FRMD6: variants seen among roughly 807,000 people sequenced by gnomAD.
FRMD6 encodes FERM domain-containing protein 6.
A neutral mutation model predicts 73.2 loss-of-function variants in FRMD6; 37 were observed. The observed-to-expected ratio is 0.51, with a 90% CI of 0.39 to 0.66. The LOEUF (loss-of-function observed/expected upper bound fraction) is 0.66, where lower values mean the gene tolerates loss of function less well. Ranked by LOEUF, FRMD6 falls within the 30% of genes least tolerant of loss-of-function variation. The pLI is 0.00. For missense variants in FRMD6, 714 were observed against 780.5 expected, an observed-to-expected ratio of 0.91 and a Z score of 1.02; for synonymous variants, 273 against 282.2, an observed-to-expected ratio of 0.97 and a Z score of 0.33.
intron 2 of FRMD6, among the ~76,000 whole-genome samples, chr14:51,628,658 C>A (rs1248736621): frequency 6.6e-6 from 1 of 151,546 alleles, no homozygotes. Context: ...ACTAAAAGTA[C>A]AAAAATTAGC....
At chr14:51,701,301 G>T in intron 4 of FRMD6, 142 bp downstream of exon 4, 1 of 341,724 alleles carries the variant, frequency 2.9e-6, no homozygotes. Flanking sequence ...GTTATATATA[G>T]TATATGTATA....
the FRMD6 span, among the ~76,000 whole-genome samples, chr14:51,440,526 C>T: frequency 1.3e-5 from 2 of 152,144 alleles, no homozygotes; most frequent in East Asian, 1.9e-4. Flanking sequence ...TAACTGCACA[C>T]GTTTAGCACA....
intron 1 of FRMD6, among the ~76,000 whole-genome samples, chr14:51,674,679 A>C (rs1894258566): frequency 6.6e-6 from 1 of 152,096 alleles, no homozygotes; most frequent in Non-Finnish European, 1.5e-5. Context: ...CTATTTGTGT[A>C]GGGTAAGGTG....
chr14:51,590,191 A>G (rs903461124), intron 2 of FRMD6, among the ~76,000 whole-genome samples: 2 of 152,128 alleles, frequency 1.3e-5, no homozygotes, highest in Non-Finnish European at 2.9e-5. Context: ...AATTGAAAAC[A>G]TTTTTTACCT....
At chr14:51,621,440 A>G (rs1470127018) in intron 2 of FRMD6, among the ~76,000 whole-genome samples, 1 of 152,198 alleles carries the variant, frequency 6.6e-6, no homozygotes, top group Non-Finnish European at 1.5e-5. Context: ...CCTTAGCTCC[A>G]CCATCACATT....
the FRMD6 span, among the ~76,000 whole-genome samples, chr14:51,426,531 C>G: frequency 1.3e-5 from 2 of 152,296 alleles, no homozygotes; most frequent in Admixed American, 1.3e-4. Flanking sequence ...ACAGAGAAGA[C>G]TATATGTATT....
At chr14:51,537,394 T>C (rs1411217852) in intron 1 of FRMD6, among the ~76,000 whole-genome samples, 1 of 151,714 alleles carries the variant, frequency 6.6e-6, no homozygotes, top group Non-Finnish European at 1.5e-5. Flanking sequence ...TTTTTATTTA[T>C]CCATTCACGT....
At chr14:51,559,726 T>A (rs148709201) in intron 1 of FRMD6, among the ~76,000 whole-genome samples, 1,739 of 152,264 alleles carry the variant, frequency 0.011, 16 homozygotes, top group South Asian at 0.029. Context: ...CATCCATCTT[T>A]CCCTAATCAA....
At chr14:51,576,497 C>T (rs190870060) in intron 2 of FRMD6, among the ~76,000 whole-genome samples, 1 of 152,192 alleles carries the variant, frequency 6.6e-6, no homozygotes, top group Non-Finnish European at 1.5e-5. Flanking sequence ...TCTTTTGAAG[C>T]AGAATGCTTT....
At chr14:51,632,596 C>T (rs138017902) in intron 2 of FRMD6, among the ~76,000 whole-genome samples, 1 of 152,318 alleles carries the variant, frequency 6.6e-6, no homozygotes, top group East Asian at 1.9e-4. Flanking sequence ...TCCTGGCTAT[C>T]TGCAGTTCTC....
chr14:51,666,699 C>T (rs538423706), intron 1 of FRMD6, among the ~76,000 whole-genome samples: 1 of 151,974 alleles, frequency 6.6e-6, no homozygotes, highest in South Asian at 2.1e-4. Flanking sequence ...AAGTTTTTTC[C>T]CTGAGAACTT....
At chr14:51,620,945 T>C (rs371194621) in intron 2 of FRMD6, among the ~76,000 whole-genome samples, 1 of 152,158 alleles carries the variant, frequency 6.6e-6, no homozygotes, top group Non-Finnish European at 1.5e-5. Context: ...AAGTAGGAAG[T>C]AGTAAATTCA....
chr14:51,426,967 T>C, the FRMD6 span, among the ~76,000 whole-genome samples: 1 of 152,218 alleles, frequency 6.6e-6, no homozygotes, highest in Non-Finnish European at 1.5e-5. Context: ...AGATCTGGAT[T>C]GGAATTAGCC....
chr14:51,716,018 G>A (rs946714569), intron 10 of FRMD6, among the ~76,000 whole-genome samples: 2 of 152,214 alleles, frequency 1.3e-5, no homozygotes, highest in African/African-American at 2.4e-5. Context: ...TCTAGCAAGA[G>A]TGCCAAACAA....
At chr14:51,657,198 A>C (rs1424816382) in intron 1 of FRMD6, among the ~76,000 whole-genome samples, 1 of 152,164 alleles carries the variant, frequency 6.6e-6, no homozygotes, top group Admixed American at 6.5e-5. Context: ...ACTTGTGTGT[A>C]CAGTTTCAGT....
intron 2 of FRMD6, among the ~76,000 whole-genome samples, chr14:51,635,255 G>T (rs1891506685): frequency 6.6e-6 from 1 of 152,184 alleles, no homozygotes; most frequent in South Asian, 2.1e-4. Flanking sequence ...AGCAAGCTGG[G>T]CATATTAGCG....
the FRMD6 span, among the ~76,000 whole-genome samples, chr14:51,451,307 G>A: frequency 3.3e-4 from 51 of 152,294 alleles, no homozygotes; most frequent in African/African-American, 9.9e-4. Context: ...TATATGGGTC[G>A]TGGGGACAGA....
At chr14:51,595,941 G>C (rs964945232) in intron 2 of FRMD6, among the ~76,000 whole-genome samples, 2 of 152,018 alleles carry the variant, frequency 1.3e-5, no homozygotes, top group Non-Finnish European at 1.5e-5. Flanking sequence ...GGGTATGTAG[G>C]GTTTTACATA....
intron 5 of FRMD6, among the ~76,000 whole-genome samples, chr14:51,702,988 G>C (rs1285940516): frequency 6.6e-6 from 1 of 152,164 alleles, no homozygotes; most frequent in East Asian, 1.9e-4. Flanking sequence ...TGGTAAGGTG[G>C]GAGTGGGTCA....
Sources: allele counts gnomAD v4.1 joint callset (sites outside exome capture counted in the v4.1 genomes callset), GRCh38; gene constraint gnomAD v4.1.1; transcripts MANE v1.5; gene names NCBI Gene and HGNC (gene_info 2026-07-23, HGNC 2026-07-21).